ASTN2: variants seen among roughly 807,000 people sequenced by gnomAD.
The protein encoded by ASTN2 is astrotactin-2.
In ASTN2, 54 loss-of-function variants were observed where a neutral mutation model predicts 139.8. The observed-to-expected ratio is 0.39, with a 90% CI of 0.31 to 0.48. ASTN2 has a LOEUF of 0.48. ASTN2 is among the 20% of genes least tolerant of loss of function. The pLI, the probability that ASTN2 is intolerant of heterozygous loss-of-function variation, is 0.95. For missense variants in ASTN2, 1,565 were observed against 1,725.1 expected, an observed-to-expected ratio of 0.91 and a Z score of 1.64; for synonymous variants, 756 against 719.5, an observed-to-expected ratio of 1.05 and a Z score of -0.81.
intron 10 of ASTN2, among the ~76,000 whole-genome samples, chr9:116,941,290 T>C (rs1835221372): frequency 1.3e-5 from 2 of 152,162 alleles, no homozygotes; most frequent in African/African-American, 4.8e-5. Context: ...TCTGGGATAC[T>C]TGTGATTCTG....
intron 19 of ASTN2, among the ~76,000 whole-genome samples, chr9:116,534,152 G>A (rs1474579050): frequency 6.6e-6 from 1 of 152,176 alleles, no homozygotes; most frequent in Non-Finnish European, 1.5e-5. Context: ...TCTGTGTAGA[G>A]TTGTCTCTAG....
intron 6 of ASTN2, among the ~76,000 whole-genome samples, chr9:117,016,615 T>TAAC (rs1564385722): frequency 1.0e-3 from 4 of 3,998 alleles, no homozygotes; most frequent in African/African-American, 2.0e-3. Flanking sequence ...TATATCTATA[T>TAAC]CTATCTATCT....
intron 16 of ASTN2, among the ~76,000 whole-genome samples, chr9:116,697,015 T>A (rs57186221): frequency 0.011 from 1,668 of 151,564 alleles, 29 homozygotes; most frequent in African/African-American, 0.038. Context: ...AGTACCTTTA[T>A]CCTCATTCCT....
At chr9:117,153,420 T>C (rs758045245) in intron 3 of ASTN2, among the ~76,000 whole-genome samples, 14 of 152,168 alleles carry the variant, frequency 9.2e-5, no homozygotes, top group Non-Finnish European at 1.6e-4. Context: ...ATTTATTATT[T>C]CAGGACACTA....
chr9:116,430,783 T>C (rs1401720193), intron 22 of ASTN2, among the ~76,000 whole-genome samples: 1 of 152,146 alleles, frequency 6.6e-6, no homozygotes, highest in Admixed American at 6.5e-5. Flanking sequence ...AGTAAAGCCA[T>C]GGAGAGAAGG....
At chr9:116,686,377 T>TA (rs777865829) in intron 16 of ASTN2, among the ~76,000 whole-genome samples, 3 of 152,178 alleles carry the variant, frequency 2.0e-5, no homozygotes, top group Non-Finnish European at 4.4e-5. Flanking sequence ...TCAAAGATGT[T>TA]AGTCATTGTT....
At position 117,040,836 on chromosome 9, in the gene ASTN2, C is replaced by A. The variant is rs140433899; in HGVS notation, c.1277-871G>T. Reference sequence around the variant, plus strand: ...TACACAGCATGATTTGTATATCATGCCTGTCATTTAGAAGAGTTTCACGGT... The same window carrying A: ...TACACAGCATGATTTGTATATCATGACTGTCATTTAGAAGAGTTTCACGGT... On this transcript the variant is annotated intron_variant, in intron 5 of 22. Coordinates refer to ENST00000313400, the MANE Select transcript of ASTN2 (RefSeq NM_001365068.1). Among the ~76,000 whole-genome samples the A allele has an allele frequency of 3.8e-3, 579 of 152,278 alleles. 4 individuals carry two copies. The highest frequency in any genetic ancestry group is 0.013 in the African/African-American group (560 of 41,548).
chr9:117,401,992 G>C (rs957388964), intron 1 of ASTN2, among the ~76,000 whole-genome samples: 2 of 152,206 alleles, frequency 1.3e-5, no homozygotes, highest in African/African-American at 2.4e-5. Context: ...TTAGGAGGCT[G>C]ATATGGGAAA....
At chr9:116,461,034 C>A (rs557512810) in intron 20 of ASTN2, among the ~76,000 whole-genome samples, 1 of 152,110 alleles carries the variant, frequency 6.6e-6, no homozygotes, top group Admixed American at 6.6e-5. Context: ...CTGGCATGTT[C>A]CCAATAATGT....
At chr9:116,679,807 G>C (rs1306662862) in intron 16 of ASTN2, among the ~76,000 whole-genome samples, 3 of 152,126 alleles carry the variant, frequency 2.0e-5, no homozygotes, top group African/African-American at 7.2e-5. Flanking sequence ...CAGAAATAAA[G>C]ATGTTCTTTG....
At chr9:116,439,193 C>CCTTT in intron 22 of ASTN2, among the ~76,000 whole-genome samples, 1 of 102,780 alleles carries the variant, frequency 9.7e-6, no homozygotes, top group Admixed American at 1.2e-4. Context: ...TATTCAAATA[C>CCTTT]ATTTTTTTTT....
chr9:116,662,518 AG>A (rs1261665813), intron 16 of ASTN2, among the ~76,000 whole-genome samples: 2 of 152,034 alleles, frequency 1.3e-5, no homozygotes, highest in Non-Finnish European at 2.9e-5. Context: ...GTTTGCAGTA[AG>A]CAGAGATTGC....
chr9:117,335,597 A>T (rs1209070740), intron 1 of ASTN2, among the ~76,000 whole-genome samples: 2 of 152,194 alleles, frequency 1.3e-5, no homozygotes, highest in African/African-American at 4.8e-5. Flanking sequence ...GTTTAACTTC[A>T]TTCTTACTTA....
In ASTN2 at chr9:116,946,824, T is replaced by C. The variant is rs16934088; in HGVS notation, c.1889+28384A>G. On this transcript the variant is annotated intron_variant, in intron 10 of 22. Coordinates refer to ENST00000313400, the MANE Select transcript of ASTN2 (RefSeq NM_001365068.1). ...GGATCTCTGTAGACCAAAGGATTAA[T>C]GTGCCACCTTTATCTTTTAAGGCTT... Among the ~76,000 whole-genome samples the C allele has an allele frequency of 8.9e-3, 1,348 of 151,298 alleles. 28 individuals are homozygous for C. The highest frequency in any genetic ancestry group is 0.031 in the African/African-American group (1,277 of 41,268).
chr9:116,565,426 TA>T (rs1446707948), intron 19 of ASTN2, among the ~76,000 whole-genome samples: 263 of 125,428 alleles, frequency 2.1e-3, no homozygotes, highest in East Asian at 3.8e-3. Context: ...TATATATATA[TA>T]TATTTATTTA....
rs989019312 is a variant in ASTN2, at chr9:116,575,360, G to A, written c.3355+42964C>T. On this transcript the variant is annotated intron_variant, in intron 19 of 22. Coordinates refer to ENST00000313400, the MANE Select transcript of ASTN2 (RefSeq NM_001365068.1). ...CAAAAAGATGAACAAAGGTAATATG[G>A]CACAGTCTTTCAGGGAATGCAACTG... Among the ~76,000 whole-genome samples, 4 of 152,092 alleles carry A rather than the reference G, an allele frequency of 2.6e-5. No homozygotes were observed. In the South Asian group the frequency reaches 8.3e-4, roughly 32 times the overall value.
chr9:117,006,868 G>T (rs1267178968), intron 7 of ASTN2, among the ~76,000 whole-genome samples: 1 of 152,100 alleles, frequency 6.6e-6, no homozygotes, highest in East Asian at 1.9e-4. Context: ...TGTAATCCCA[G>T]CACTTTGGGA....
chr9:117,382,222 A>T (rs112684644), intron 1 of ASTN2, among the ~76,000 whole-genome samples: 1 of 152,036 alleles, frequency 6.6e-6, no homozygotes, highest in African/African-American at 2.4e-5. Context: ...CGAGGTCAAG[A>T]GTGGGTGATG....
At chr9:116,669,660 G>T (rs1475890805) in intron 16 of ASTN2, among the ~76,000 whole-genome samples, 1 of 152,014 alleles carries the variant, frequency 6.6e-6, no homozygotes, top group Non-Finnish European at 1.5e-5. Context: ...TATATATTTT[G>T]GATAACAGTC....
Sources: allele counts gnomAD v4.1 joint callset (sites outside exome capture counted in the v4.1 genomes callset), GRCh38; gene constraint gnomAD v4.1.1; transcripts MANE v1.5; gene names NCBI Gene and HGNC (gene_info 2026-07-23, HGNC 2026-07-21).